Variants in RACGAP1 observed in about 807,000 individuals in gnomAD.
RACGAP1 encodes Rac GTPase activating protein 1.
RACGAP1 carries 30 observed loss-of-function variants against 78.1 expected under a neutral mutation model. That is an observed-to-expected ratio of 0.38 (90% CI 0.29 to 0.52). The LOEUF is 0.52. Ranked by LOEUF, RACGAP1 falls within the 20% of genes least tolerant of loss-of-function variation. The pLI is 0.82. For missense variants in RACGAP1, 587 were observed against 777.1 expected, an observed-to-expected ratio of 0.76 and a Z score of 2.91; for synonymous variants, 231 against 264.8, an observed-to-expected ratio of 0.87 and a Z score of 1.24.
chr12:50,020,325 C>A (rs1359082733), intron 1 of RACGAP1, among the ~76,000 whole-genome samples: 2 of 140,760 alleles, frequency 1.4e-5, no homozygotes, highest in African/African-American at 5.3e-5. Context: ...TTACAGGTGC[C>A]CACCACCAGG....
At chr12:50,009,242 C>CA (rs397751749) in intron 2 of RACGAP1, among the ~76,000 whole-genome samples, 2,926 of 64,424 alleles carry the variant, frequency 0.045, 129 homozygotes, top group African/African-American at 0.11. Flanking sequence ...GATGCTGTCT[C>CA]AAAAAAAAAA....
chr12:50,032,644 CTGGGGCTGCACT>C (rs1375698730), intron 1 of RACGAP1, among the ~76,000 whole-genome samples: 3 of 152,036 alleles, frequency 2.0e-5, no homozygotes, highest in African/African-American at 7.3e-5. Flanking sequence ...GGGAGGGATC[CTGGGGCTGCACT>C]TGTAACCGGA....
At chr12:50,018,884 C>T (rs1949834963) in intron 1 of RACGAP1, among the ~76,000 whole-genome samples, 1 of 151,660 alleles carries the variant, frequency 6.6e-6, no homozygotes, top group African/African-American at 2.4e-5. Flanking sequence ...CTCTGTCCCC[C>T]AGGCCAGAGT....
At chr12:50,011,022 G>A (rs1478019990) in intron 2 of RACGAP1, among the ~76,000 whole-genome samples, 1 of 152,042 alleles carries the variant, frequency 6.6e-6, no homozygotes, top group African/African-American at 2.4e-5. Flanking sequence ...ACTTGGGCAT[G>A]TGGGGAATTC....
At position 50,005,247 on chromosome 12, in the gene RACGAP1, T is replaced by G; in HGVS notation, c.425+9A>C. 6.2e-7 allele frequency: 1 copy of G among 1,613,894 alleles called. No individual in the cohort carries two copies. On this transcript the variant is annotated intron_variant, in intron 4 of 16. Coordinates refer to ENST00000312377, the MANE Select transcript of RACGAP1 (RefSeq NM_001319999.2). ...TGTGATAGGATAACAACAGATGCAGTTCCTCCACCTTTTGTTCCCAGCATT... is the reference window on the plus strand; with the variant it reads ...TGTGATAGGATAACAACAGATGCAGGTCCTCCACCTTTTGTTCCCAGCATT...
At chr12:49,996,984 C>T in intron 10 of RACGAP1, 56 bp downstream of exon 10, 1 of 1,408,940 alleles carries the variant, frequency 7.1e-7, no homozygotes, top group South Asian at 1.8e-5. Context: ...TGACACTAAG[C>T]CTTTGAAAGG....
At chr12:50,032,532 GGTGAGT>G (rs1179992698) in intron 1 of RACGAP1, among the ~76,000 whole-genome samples, 1 of 75,078 alleles carries the variant, frequency 1.3e-5, no homozygotes, top group African/African-American at 8.4e-5. Flanking sequence ...CAAAGGAAAA[GGTGAGT>G]GTGTGTGTGT....
chr12:50,024,798 A>G (rs980606796), intron 1 of RACGAP1, among the ~76,000 whole-genome samples: 2 of 152,070 alleles, frequency 1.3e-5, no homozygotes, highest in African/African-American at 4.8e-5. Flanking sequence ...CTTAAAAAAA[A>G]AAAGGGCTTA....
chr12:49,991,464 T>TATATATATATATATATAC, intron 15 of RACGAP1, among the ~76,000 whole-genome samples: 1 of 20,716 alleles, frequency 4.8e-5, no homozygotes, highest in African/African-American at 8.8e-5. Flanking sequence ...CTATTATATA[T>TATATATATATATATATAC]ATATATATAT....
At chr12:49,991,733 C>T (rs1285375494) in intron 15 of RACGAP1, among the ~76,000 whole-genome samples, 2 of 151,088 alleles carry the variant, frequency 1.3e-5, no homozygotes, top group African/African-American at 2.4e-5. Flanking sequence ...GTGATCCGTC[C>T]GCCTCAGCCT....
At chr12:50,025,705 G>A (rs1264197578), upstream of RACGAP1, 1 of 232,370 alleles carries the variant, frequency 4.3e-6, no homozygotes, top group African/African-American at 2.3e-5. Flanking sequence ...AAGTCATTCA[G>A]GATGCCATAT....
At chr12:49,992,217 A>C in intron 14 of RACGAP1, 28 bp downstream of exon 14, 1 of 1,613,386 alleles carries the variant, frequency 6.2e-7, no homozygotes, top group Non-Finnish European at 8.5e-7. Context: ...ACACAAGTTC[A>C]CATACACACA....
Position 49,999,640 on chromosome 12 carries a change from A to G in RACGAP1, c.724T>C (p.Trp242Arg), listed in dbSNP as rs765595349. 6.2e-6 allele frequency: 10 copies of G among 1,614,054 alleles called. No individual in the cohort carries two copies. The Admixed American group carries it at 1.7e-4, about 27-fold the overall frequency. ...CCTGTTTTCCTTCGGCTCCTGGTCCAATATGGCACAGTCTCAATAGTGGAC... is the reference window on the plus strand; with the variant it reads ...CCTGTTTTCCTTCGGCTCCTGGTCCGATATGGCACAGTCTCAATAGTGGAC... ...AVSTIETVPYWTRSRRKTGTL... is the reference protein window; with the variant it reads ...AVSTIETVPYRTRSRRKTGTL... Residue 242 changes from tryptophan to arginine, a missense_variant, in exon 8 of 17, where the codon TGG becomes CGG. Physicochemically the swap from Trp to Arg is moderately radical, Grantham distance 101 (BLOSUM62 -3). Transcript: ENST00000312377.
intron 2 of RACGAP1, among the ~76,000 whole-genome samples, chr12:50,011,455 G>A (rs116145103): frequency 0.01 from 1,571 of 151,952 alleles, 21 homozygotes; most frequent in African/African-American, 0.035. Context: ...GCCCAGGTGC[G>A]GTAGCTCACA....
intron 7 of RACGAP1, 144 bp from the exon 8 acceptor site, chr12:49,999,877 T>A (rs1948549161): frequency 4.7e-6 from 3 of 635,936 alleles, no homozygotes; most frequent in Non-Finnish European, 8.3e-6. Context: ...TGAGACAGAG[T>A]TTTTCACTCT....
At chr12:50,015,978 T>TA (rs990464574) in intron 2 of RACGAP1, among the ~76,000 whole-genome samples, 37 of 150,958 alleles carry the variant, frequency 2.5e-4, no homozygotes, top group African/African-American at 6.3e-4. Flanking sequence ...AAATCCAGGA[T>TA]AAAAAAAAGA....
chr12:50,011,536 A>G (rs988675609), intron 2 of RACGAP1, among the ~76,000 whole-genome samples: 3 of 152,016 alleles, frequency 2.0e-5, no homozygotes, highest in African/African-American at 7.2e-5. Context: ...AGACCAGCCC[A>G]GGAAACATGG....
rs1947734312 is a variant in RACGAP1 at position 49,990,133 on chromosome 12, C to T, written c.*135G>A. The T allele has an allele frequency of 1.5e-6, 1 of 665,788 alleles. No individual in the cohort carries two copies. Among genetic ancestry groups the T allele is most frequent in the African/African-American group, 1.8e-5 (1 of 56,112 alleles). The allele number at this position is 665,788 out of a possible 1,614,324, so 41.2% of individuals were successfully genotyped here. On this transcript the variant is annotated 3_prime_UTR_variant, in exon 17 of 17. Transcript: ENST00000312377. The stretch of plus-strand genomic sequence containing the variant: ...ATATATATAGTTTTAATAAAACCCT[C>T]ATGCACAATTAAACTTGAGTAAAAG...
chr12:49,996,540 T>C (rs751135830), intron 10 of RACGAP1, among the ~76,000 whole-genome samples: 5 of 142,644 alleles, frequency 3.5e-5, no homozygotes, highest in Non-Finnish European at 6.0e-5. Flanking sequence ...CTTGGGAGGC[T>C]GAGGCAAGAA....
Sources: gnomAD v4.1 joint callset for allele counts (sites outside exome capture counted in the v4.1 genomes callset) on GRCh38, gnomAD v4.1.1 for gene constraint, MANE v1.5 for transcripts, NCBI Gene and HGNC (gene_info 2026-07-23, HGNC 2026-07-21) for gene names.